MGST2: variants seen among roughly 807,000 people sequenced by gnomAD.
MGST2 encodes the protein microsomal glutathione S-transferase 2.
A neutral mutation model predicts 16.6 loss-of-function variants in MGST2; 9 were observed. The ratio of observed to expected loss-of-function variants is 0.54; its 90% CI spans 0.33 to 0.95. The LOEUF is 0.95. MGST2 is among the 40% of genes least tolerant of loss of function. The pLI is 0.03. For synonymous variants in MGST2, 79 were observed against 68.0 expected, an observed-to-expected ratio of 1.16 and a Z score of -0.79; for missense variants, 159 against 175.1, an observed-to-expected ratio of 0.91 and a Z score of 0.52.
intron 5 of MGST2, chr4:139,719,083 C>G: frequency 2.0e-6 from 1 of 493,772 alleles, no homozygotes; most frequent in Non-Finnish European, 3.5e-6. Flanking sequence ...CCGGGTGTCT[C>G]CCTCTCTCGC....
chr4:139,678,340 G>A (rs766949520), intron 1 of MGST2, among the ~76,000 whole-genome samples: 30 of 152,176 alleles, frequency 2.0e-4, no homozygotes, highest in Non-Finnish European at 3.8e-4. Context: ...TGGTTGTACC[G>A]TTTTACATTC....
intron 5 of MGST2, among the ~76,000 whole-genome samples, chr4:139,724,102 T>A (rs1484938380): frequency 6.6e-6 from 1 of 152,210 alleles, no homozygotes; most frequent in East Asian, 1.9e-4. Flanking sequence ...ACTGATTTAG[T>A]GCACAGAACA....
At chr4:139,739,755 C>T (rs1405305523) in intron 5 of MGST2, among the ~76,000 whole-genome samples, 1 of 132,656 alleles carries the variant, frequency 7.5e-6, no homozygotes, top group Non-Finnish European at 1.6e-5. Context: ...TTTCTAAAAA[C>T]ACTAGCCACT....
intron 3 of MGST2, among the ~76,000 whole-genome samples, chr4:139,702,843 G>GTTTTTTTTTTTTTTTTTTTTTTTT (rs1727325108): frequency 3.6e-5 from 1 of 27,604 alleles, no homozygotes; most frequent in Non-Finnish European, 1.3e-4. Flanking sequence ...TTGTGTTACT[G>GTTTTTTTTTTTTTTTTTTTTTTTT]GTTTTTTTTT....
intron 3 of MGST2, among the ~76,000 whole-genome samples, chr4:139,702,356 C>G (rs1727295121): frequency 6.6e-6 from 1 of 152,120 alleles, no homozygotes; most frequent in Non-Finnish European, 1.5e-5. Flanking sequence ...TTCTCACTCC[C>G]AGATGCAAGC....
At chr4:139,733,885 C>A (rs1728823436) in intron 5 of MGST2, among the ~76,000 whole-genome samples, 1 of 152,158 alleles carries the variant, frequency 6.6e-6, no homozygotes, top group African/African-American at 2.4e-5. Flanking sequence ...TGGGTTGTTG[C>A]CCATCTGTGT....
At chr4:139,704,688 C>T (rs892304646), downstream of MGST2, among the ~76,000 whole-genome samples, 4 of 152,102 alleles carry the variant, frequency 2.6e-5, no homozygotes, top group Admixed American at 6.6e-5. Flanking sequence ...TTTGAGAAGC[C>T]GAGGCGGGCA....
chr4:139,690,882 C>T (rs1400270998), intron 2 of MGST2, among the ~76,000 whole-genome samples: 2 of 152,136 alleles, frequency 1.3e-5, no homozygotes, highest in African/African-American at 4.8e-5. Context: ...GTCCTGAGCC[C>T]CCAGGGCCCA....
downstream of MGST2, among the ~76,000 whole-genome samples, chr4:139,709,083 T>A (rs1236823624): frequency 8.9e-4 from 114 of 128,562 alleles, no homozygotes; most frequent in South Asian, 1.7e-3. Context: ...TTTTTTTTTT[T>A]TTTTTTTTTT....
chr4:139,689,304 G>T (rs1017770960), intron 2 of MGST2, among the ~76,000 whole-genome samples: 3 of 152,062 alleles, frequency 2.0e-5, no homozygotes, highest in African/African-American at 7.2e-5. Context: ...CATGCTCTTT[G>T]TGTTCCCTAC....
rs1255341585 is a variant in MGST2, at chr4:139,735,534, A to T, written c.*49-4678A>T. On this transcript the variant is annotated intron_variant, in intron 5 of 5. Coordinates refer to the MGST2 transcript ENST00000616265. This position sits in a 1 kb window ranked among gnomAD's most constrained non-coding sequence, Gnocchi z 5.8. ...AGCCCGGGAGGGACCGGGTTCCAGG[A>T]CCCCAGCTGCACAAAGCCGGCCCGG... Among the ~76,000 whole-genome samples, 1 of 151,404 alleles carries T rather than the reference A, an allele frequency of 6.6e-6. No homozygotes were observed. Among genetic ancestry groups the T allele is most frequent in the African/African-American group, 2.4e-5 (1 of 41,124 alleles).
At chr4:139,719,706 C>A in intron 5 of MGST2, 1 of 1,613,680 alleles carries the variant, frequency 6.2e-7, no homozygotes, top group Non-Finnish European at 8.5e-7. Context: ...GTGTTAGCAT[C>A]CACGACTGAC....
intron 3 of MGST2, among the ~76,000 whole-genome samples, chr4:139,701,704 C>T (rs1429279610): frequency 6.6e-6 from 1 of 152,096 alleles, no homozygotes; most frequent in Non-Finnish European, 1.5e-5. Flanking sequence ...TGGCTCACAC[C>T]TGCAATCCCA....
In MGST2 at chr4:139,666,344, C is replaced by G. The variant is rs1007908364; in HGVS notation, c.58+267C>G. 3.9e-5 allele frequency among the ~76,000 whole-genome samples: 6 copies of G among 152,196 alleles called. No individual in the cohort carries two copies. In the East Asian group the frequency reaches 1.2e-3, roughly 29 times the overall value. The stretch of plus-strand genomic sequence containing the variant: ...TGGAACGCTGTGGGGCCTCAGAGCT[C>G]AGCGATTCTGCATCATCTGTGATTA... On this transcript the variant is annotated intron_variant, in intron 1 of 4. Transcript: ENST00000265498.
intron 5 of MGST2, among the ~76,000 whole-genome samples, chr4:139,732,725 G>A (rs907242019): frequency 6.6e-6 from 1 of 152,078 alleles, no homozygotes; most frequent in Non-Finnish European, 1.5e-5. Context: ...TCTCAATTCA[G>A]TATTCCTACT....
chr4:139,671,312 G>A (rs973190691), intron 1 of MGST2, among the ~76,000 whole-genome samples: 1 of 152,122 alleles, frequency 6.6e-6, no homozygotes, highest in African/African-American at 2.4e-5. Flanking sequence ...CTCAGCACAT[G>A]TGTATCTCTG....
chr4:139,681,563 CTGAT>C (rs1731243346), intron 2 of MGST2, among the ~76,000 whole-genome samples: 1 of 152,094 alleles, frequency 6.6e-6, no homozygotes, highest in African/African-American at 2.4e-5. Flanking sequence ...TTTTTATTCT[CTGAT>C]TGCTTTTTAG....
At chr4:139,693,432 T>A (rs998959615) in intron 2 of MGST2, among the ~76,000 whole-genome samples, 23 of 151,506 alleles carry the variant, frequency 1.5e-4, no homozygotes, top group African/African-American at 5.1e-4. Flanking sequence ...AAAGAAATTT[T>A]CAGTGAGTGT....
chr4:139,746,769 C>T, the MGST2 span, among the ~76,000 whole-genome samples: 3 of 152,192 alleles, frequency 2.0e-5, no homozygotes, highest in African/African-American at 4.8e-5. Context: ...TTTCTGTGCA[C>T]CCACCAAAAG....
Sources: gnomAD v4.1 joint callset for allele counts (sites outside exome capture counted in the v4.1 genomes callset) on GRCh38, gnomAD v4.1.1 for gene constraint, Gnocchi (gnomAD v3.1) non-coding constraint, MANE v1.5 for transcripts, NCBI Gene and HGNC (gene_info 2026-07-23, HGNC 2026-07-21) for gene names.